TAFA1: variants seen among roughly 807,000 people sequenced by gnomAD.
TAFA1 encodes chemokine-like protein TAFA-1.
TAFA1 carries 4 observed loss-of-function variants against 18.5 expected under a neutral mutation model. That is an observed-to-expected ratio of 0.22 (90% CI 0.11 to 0.49). The LOEUF (loss-of-function observed/expected upper bound fraction) is 0.49. Among genes scored for constraint, TAFA1 ranks in the 20% least tolerant of loss-of-function variants. The pLI is 0.98. For missense variants in TAFA1, 147 were observed against 169.0 expected, an observed-to-expected ratio of 0.87 and a Z score of 0.72; for synonymous variants, 56 against 55.2, an observed-to-expected ratio of 1.01 and a Z score of -0.06.
At chr3:68,540,424 T>A (rs567734076) in intron 4 of TAFA1, among the ~76,000 whole-genome samples, 5 of 152,316 alleles carry the variant, frequency 3.3e-5, no homozygotes, top group African/African-American at 1.2e-4. Flanking sequence ...CCATTTTAAT[T>A]AACTAGTAGA....
At chr3:68,413,986 G>T (rs1353614525) in intron 2 of TAFA1, among the ~76,000 whole-genome samples, 1 of 152,042 alleles carries the variant, frequency 6.6e-6, no homozygotes, top group South Asian at 2.1e-4. Flanking sequence ...CAGTGTCCAT[G>T]GAGGAAAGTC....
chr3:68,191,138 T>TTG (rs1575670433), intron 2 of TAFA1, among the ~76,000 whole-genome samples: 1 of 151,808 alleles, frequency 6.6e-6, no homozygotes, highest in South Asian at 2.1e-4. Context: ...GATGAGTCTA[T>TTG]TGTGTGTCTA....
At chr3:68,264,676 T>A (rs1165823907) in intron 2 of TAFA1, among the ~76,000 whole-genome samples, 1 of 148,736 alleles carries the variant, frequency 6.7e-6, no homozygotes, top group Non-Finnish European at 1.5e-5. Context: ...TGAAAGTCTT[T>A]ATCAATGAAA....
intron 4 of TAFA1, among the ~76,000 whole-genome samples, chr3:68,540,836 T>A (rs560234836): frequency 2.0e-5 from 3 of 152,254 alleles, no homozygotes; most frequent in South Asian, 2.1e-4. Context: ...TTGAGACCAA[T>A]GTAACTTTCT....
At chr3:68,196,047 GGC>G (rs1294285106) in intron 2 of TAFA1, among the ~76,000 whole-genome samples, 3 of 151,654 alleles carry the variant, frequency 2.0e-5, no homozygotes, top group Non-Finnish European at 4.4e-5. Flanking sequence ...TTAGAAAATG[GGC>G]CACAGATCAC....
intron 2 of TAFA1, chr3:68,247,019 A>C (rs937853652): frequency 6.6e-6 from 1 of 152,204 alleles, no homozygotes; most frequent in Non-Finnish European, 1.5e-5. Context: ...TGTGAGAAAG[A>C]AATGACTACA....
At chr3:68,233,697 G>C (rs1207088934) in intron 2 of TAFA1, among the ~76,000 whole-genome samples, 2 of 152,052 alleles carry the variant, frequency 1.3e-5, no homozygotes, top group African/African-American at 2.4e-5. Context: ...TGAATCTGTA[G>C]ATTGAAAAAG....
chr3:68,194,398 T>C (rs1244702165), intron 2 of TAFA1, among the ~76,000 whole-genome samples: 1 of 151,738 alleles, frequency 6.6e-6, no homozygotes, highest in Admixed American at 6.6e-5. Context: ...TGGAATTCCA[T>C]AGCCACTGAG....
At chr3:68,384,164 A>C (rs1365288221) in intron 2 of TAFA1, among the ~76,000 whole-genome samples, 1 of 151,748 alleles carries the variant, frequency 6.6e-6, no homozygotes, top group Non-Finnish European at 1.5e-5. Flanking sequence ...ATGGCTTTTC[A>C]TGTGTCAGTC....
intron 2 of TAFA1, among the ~76,000 whole-genome samples, chr3:68,130,711 C>T (rs917576001): frequency 1.3e-5 from 2 of 152,168 alleles, no homozygotes; most frequent in African/African-American, 2.4e-5. Flanking sequence ...CATTTCCCTT[C>T]CTCGAGAACA....
At chr3:68,480,471 A>G (rs2072211959) in intron 3 of TAFA1, among the ~76,000 whole-genome samples, 1 of 152,176 alleles carries the variant, frequency 6.6e-6, no homozygotes, top group African/African-American at 2.4e-5. Flanking sequence ...TGAGTCAGAA[A>G]GTCGTGAGTG....
intron 2 of TAFA1, among the ~76,000 whole-genome samples, chr3:68,120,646 A>G (rs2065387763): frequency 6.6e-6 from 1 of 152,128 alleles, no homozygotes; most frequent in African/African-American, 2.4e-5. Context: ...AAACTTAAAG[A>G]AAAGGGCCAC....
intron 2 of TAFA1, among the ~76,000 whole-genome samples, chr3:68,291,385 T>C (rs559332410): frequency 1.3e-5 from 2 of 152,264 alleles, no homozygotes; most frequent in South Asian, 4.1e-4. Flanking sequence ...CCCAGTGCTT[T>C]GTTAAACCCT....
rs199791434 is a variant in TAFA1, at chr3:68,173,909, A to AT, written c.118+167165_118+167166insT. On this transcript the variant is annotated intron_variant, in intron 2 of 4. Transcript: ENST00000478136. Reference sequence around the variant, plus strand: ...GGGTTATAGGATATTTAATTAAAAAAATATATATTTCTAACTTGCAAGAAA... The same window carrying AT: ...GGGTTATAGGATATTTAATTAAAAAATATATATATTTCTAACTTGCAAGAAA... Among the ~76,000 whole-genome samples the AT allele has an allele frequency of 1.9e-3, 291 of 151,798 alleles. 2 individuals are homozygous for AT. Among genetic ancestry groups the AT allele is most frequent in the East Asian group, 0.011 (56 of 5,160 alleles).
At chr3:68,033,850 A>G (rs1490402196) in intron 2 of TAFA1, among the ~76,000 whole-genome samples, 1 of 152,232 alleles carries the variant, frequency 6.6e-6, no homozygotes, top group Admixed American at 6.5e-5. Flanking sequence ...ATGATGAACA[A>G]ATAGACACAT....
At chr3:68,236,679 A>G (rs999816059) in intron 2 of TAFA1, among the ~76,000 whole-genome samples, 2 of 152,218 alleles carry the variant, frequency 1.3e-5, no homozygotes, top group East Asian at 1.9e-4. Flanking sequence ...TTTTCATGGG[A>G]AAATGTATTT....
chr3:68,130,997 G>A (rs892175598), intron 2 of TAFA1, among the ~76,000 whole-genome samples: 6 of 152,132 alleles, frequency 3.9e-5, no homozygotes, highest in Non-Finnish European at 5.9e-5. Flanking sequence ...CAAGCTCCAC[G>A]AAAACAGGGA....
chr3:68,358,500 C>T (rs761198418), intron 2 of TAFA1, among the ~76,000 whole-genome samples: 8 of 151,916 alleles, frequency 5.3e-5, no homozygotes, highest in Non-Finnish European at 1.0e-4. Context: ...AAACTAGTAA[C>T]AGGTGGACTC....
intron 2 of TAFA1, among the ~76,000 whole-genome samples, chr3:68,396,723 A>G (rs2070389866): frequency 6.6e-6 from 1 of 152,220 alleles, no homozygotes; most frequent in Admixed American, 6.5e-5. Flanking sequence ...GCATATGCCT[A>G]GTAGAAGGAT....
Sources: allele counts gnomAD v4.1 joint callset (sites outside exome capture counted in the v4.1 genomes callset), GRCh38; gene constraint gnomAD v4.1.1; transcripts MANE v1.5; gene names NCBI Gene and HGNC (gene_info 2026-07-23, HGNC 2026-07-21).